VPS13A: variants seen among roughly 807,000 people sequenced by gnomAD.
VPS13A encodes intermembrane lipid transfer protein VPS13A.
VPS13A carries 264 observed loss-of-function variants against 390.9 expected under a neutral mutation model. That is an observed-to-expected ratio of 0.68 (90% confidence interval 0.61 to 0.75). VPS13A has a LOEUF of 0.75. VPS13A is among the 30% of genes least tolerant of loss of function. VPS13A has a pLI of 0.00. For synonymous variants in VPS13A, 1,231 were observed against 1,227.1 expected, an observed-to-expected ratio of 1.00 and a Z score of -0.07; for missense variants, 3,409 against 3,733.9, an observed-to-expected ratio of 0.91 and a Z score of 2.27.
chr9:77,359,299 A>G lies in VPS13A; in HGVS notation c.8036-34A>G, dbSNP rs373382293. On this transcript the variant is annotated intron_variant, in intron 57 of 71. Coordinates refer to ENST00000360280, the MANE Select transcript of VPS13A (RefSeq NM_033305.3). ...AAAATGCCTAGCTTTTGCTTAAAGC[A>G]TCATGGGAGTAATTATATTTATAAC... 6.5e-5 allele frequency: 103 copies of G among 1,584,878 alleles called. 1 individual carries two copies. In the African/African-American group the frequency reaches 1.3e-3, roughly 20 times the overall value.
intron 59 of VPS13A, among the ~76,000 whole-genome samples, chr9:77,365,080 G>C (rs1347654847): frequency 6.6e-6 from 1 of 152,100 alleles, no homozygotes; most frequent in Non-Finnish European, 1.5e-5. Flanking sequence ...ACTGATCTGT[G>C]TAGGATGCAT....
chr9:77,359,434 A>G (rs774197307), intron 58 of VPS13A, 32 bp downstream of exon 58: 9 of 1,541,706 alleles, frequency 5.8e-6, no homozygotes, highest in Non-Finnish European at 8.0e-6. Flanking sequence ...TTGTATATTT[A>G]TTTAATGTTT....
intron 52 of VPS13A, among the ~76,000 whole-genome samples, chr9:77,347,519 C>T (rs542386864): frequency 6.6e-6 from 1 of 152,106 alleles, no homozygotes; most frequent in South Asian, 2.1e-4. Flanking sequence ...ATCTGTTGCC[C>T]AGGCTGGAGT....
chr9:77,195,515 T>C (rs989444710), intron 1 of VPS13A, among the ~76,000 whole-genome samples: 19 of 152,124 alleles, frequency 1.2e-4, no homozygotes, highest in African/African-American at 4.6e-4. Context: ...GGCGGGTGGA[T>C]CACTTGAGGT....
At chr9:77,316,073 T>C in intron 38 of VPS13A, 101 bp from the exon 39 acceptor site, 1 of 634,934 alleles carries the variant, frequency 1.6e-6, no homozygotes, top group Non-Finnish European at 2.1e-6. Flanking sequence ...AAGATTCTTT[T>C]GTTTTACTTT....
intron 3 of VPS13A, among the ~76,000 whole-genome samples, chr9:77,203,440 G>A (rs562024223): frequency 2.0e-5 from 3 of 152,040 alleles, no homozygotes; most frequent in East Asian, 1.9e-4. Flanking sequence ...GGTGTACGCC[G>A]CCATGCCTGG....
intron 71 of VPS13A, among the ~76,000 whole-genome samples, chr9:77,411,467 T>C (rs1834916869): frequency 6.6e-6 from 1 of 151,596 alleles, no homozygotes; most frequent in South Asian, 2.1e-4. Flanking sequence ...ATCGACACCA[T>C]CCTGGCTAAC....
At chr9:77,207,230 T>TATATATATATATAC (rs1825698947) in intron 5 of VPS13A, among the ~76,000 whole-genome samples, 1 of 95,836 alleles carries the variant, frequency 1.0e-5, no homozygotes, top group Non-Finnish European at 2.2e-5. Flanking sequence ...TATATATATA[T>TATATATATATATAC]ATATATATAT....
At chr9:77,367,540 A>G (rs548883357) in intron 61 of VPS13A, among the ~76,000 whole-genome samples, 17 of 152,358 alleles carry the variant, frequency 1.1e-4, no homozygotes, top group South Asian at 6.2e-4. Flanking sequence ...CTACTTAGCA[A>G]CAAGAAGCAT....
intron 67 of VPS13A, among the ~76,000 whole-genome samples, chr9:77,376,703 G>A (rs1408876342): frequency 3.3e-5 from 5 of 152,104 alleles, no homozygotes; most frequent in Non-Finnish European, 7.4e-5. Context: ...GAGACATCAC[G>A]TTATTGTTGA....
intron 23 of VPS13A, among the ~76,000 whole-genome samples, chr9:77,264,677 G>A (rs1277247748): frequency 6.6e-6 from 1 of 152,110 alleles, no homozygotes; most frequent in Non-Finnish European, 1.5e-5. Context: ...AGTTGCTTAT[G>A]AGCTTAAGGA....
Position 77,283,560 on chromosome 9 carries a change from G to C in VPS13A, c.3249G>C (p.Glu1083Asp). 2 of 1,613,506 alleles carry C rather than the reference G, an allele frequency of 1.2e-6. No individual in the cohort carries two copies. The highest frequency in any genetic ancestry group is 2.2e-5 in the South Asian group (2 of 91,056). Reference protein sequence around the residue: ...SEIKIEGLDSEMIMRPSETEI... With the variant: ...SEIKIEGLDSDMIMRPSETEI... ...TTGTTCCCTTAGGGCTTGATTCTGA[G>C]ATGATTATGAGGCCTTCAGAAACTG... The change falls in exon 31 of 72, where the codon GAG becomes GAC. Residue 1083 changes from glutamate to aspartate, a missense_variant. Transcript: ENST00000360280.
At chr9:77,318,711 G>A in intron 41 of VPS13A, 120 bp downstream of exon 41, 1 of 1,052,048 alleles carries the variant, frequency 9.5e-7, no homozygotes, top group Non-Finnish European at 1.4e-6. Flanking sequence ...TTGTAAATAT[G>A]ATATTGGGTC....
intron 19 of VPS13A, among the ~76,000 whole-genome samples, chr9:77,244,024 G>A (rs1359235945): frequency 6.6e-6 from 1 of 152,120 alleles, no homozygotes; most frequent in Admixed American, 6.6e-5. Flanking sequence ...GAACACTTGA[G>A]GTCAGGAGTT....
chr9:77,253,235 G>C (rs546386408), intron 22 of VPS13A, among the ~76,000 whole-genome samples: 7 of 152,230 alleles, frequency 4.6e-5, no homozygotes, highest in African/African-American at 1.4e-4. Context: ...TCTTGTGTTT[G>C]TTGACCATTC....
At chr9:77,281,161 A>G (rs1827001786) in intron 27 of VPS13A, among the ~76,000 whole-genome samples, 1 of 152,128 alleles carries the variant, frequency 6.6e-6, no homozygotes, top group Non-Finnish European at 1.5e-5. Flanking sequence ...GAGGGAATAG[A>G]GAGTTGTCAA....
chr9:77,235,763 G>T (rs1824109338), intron 17 of VPS13A, among the ~76,000 whole-genome samples: 1 of 152,064 alleles, frequency 6.6e-6, no homozygotes, highest in Admixed American at 6.5e-5. Context: ...AATAATTTCA[G>T]TTGTCCTGTA....
chr9:77,290,072 G>A (rs991105227), intron 31 of VPS13A, among the ~76,000 whole-genome samples: 1 of 152,014 alleles, frequency 6.6e-6, no homozygotes, highest in Middle Eastern at 3.2e-3. Flanking sequence ...GTGAGCCACC[G>A]CATCTGGCAC....
At chr9:77,407,698 G>T in intron 71 of VPS13A, 91 bp downstream of exon 71, 2 of 1,036,674 alleles carry the variant, frequency 1.9e-6, no homozygotes, top group Non-Finnish European at 2.9e-6. Flanking sequence ...AGTTTTGTTT[G>T]GGGGTTTTTG....
Sources: allele counts gnomAD v4.1 joint callset (sites outside exome capture counted in the v4.1 genomes callset), GRCh38; gene constraint gnomAD v4.1.1; transcripts MANE v1.5; gene names NCBI Gene and HGNC (gene_info 2026-07-23, HGNC 2026-07-21).